The following RYR2 variants were observed in gnomAD, a reference collection of about 807,000 sequenced individuals.
RYR2 encodes ryanodine receptor 2, also known as cardiac muscle ryanodine receptor-calcium release channel.
Under a neutral mutation model 601.1 loss-of-function variants are expected in RYR2, and 227 were observed. The observed-to-expected ratio is 0.38, with a 90% confidence interval of 0.34 to 0.42. RYR2 has a LOEUF of 0.42. Among genes scored for constraint, RYR2 ranks in the 10% least tolerant of loss-of-function variants. RYR2 has a pLI of 1.00. For synonymous variants in RYR2, 2,223 were observed against 2,175.1 expected, an observed-to-expected ratio of 1.02 and a Z score of -0.61; for missense variants, 4,646 against 6,156.5, an observed-to-expected ratio of 0.75 and a Z score of 8.21.
chr1:237,611,040 T>A (rs1677804173), intron 36 of RYR2, 52 bp downstream of exon 36: 1 of 1,513,604 alleles, frequency 6.6e-7, no homozygotes, highest in Admixed American at 1.9e-5. Context: ...GGGATTAGCC[T>A]GCTGCCCGGG....
chr1:237,277,746 A>G (rs2149370845), intron 2 of RYR2, among the ~76,000 whole-genome samples: 1 of 152,174 alleles, frequency 6.6e-6, no homozygotes. Flanking sequence ...CTTGAGCCTA[A>G]CAGTTTGAGG....
At chr1:237,287,618 C>T (rs1691704622) in intron 2 of RYR2, among the ~76,000 whole-genome samples, 1 of 152,176 alleles carries the variant, frequency 6.6e-6, no homozygotes, top group African/African-American at 2.4e-5. Flanking sequence ...CTTTCCAGAG[C>T]ATTTCACATT....
At chr1:237,478,095 C>T (rs1263182027) in intron 17 of RYR2, among the ~76,000 whole-genome samples, 1 of 145,344 alleles carries the variant, frequency 6.9e-6, no homozygotes, top group African/African-American at 2.5e-5. Context: ...AGGGCCTGTT[C>T]CAAAGTTTCC....
chr1:237,221,348 A>T (rs988558453), intron 1 of RYR2, among the ~76,000 whole-genome samples: 1 of 152,216 alleles, frequency 6.6e-6, no homozygotes, highest in African/African-American at 2.4e-5. Context: ...TTTAAAGGTC[A>T]GCTGGATGCT....
At chr1:237,416,237 C>T (rs911422370) in intron 10 of RYR2, among the ~76,000 whole-genome samples, 1 of 152,136 alleles carries the variant, frequency 6.6e-6, no homozygotes, top group Non-Finnish European at 1.5e-5. Context: ...CATGGTATTA[C>T]TGCTGTCTGT....
At chr1:237,723,899 A>G (rs1233314126) in intron 74 of RYR2, among the ~76,000 whole-genome samples, 1 of 152,088 alleles carries the variant, frequency 6.6e-6, no homozygotes, top group African/African-American at 2.4e-5. Flanking sequence ...AAACAAGAAT[A>G]CTTGAAACAT....
rs77805032 is a variant in RYR2, at chr1:237,708,502, A to T, written c.9902-356A>T. ...CTGTATATAGTCTCATATAGTAATT[A>T]TGTAGCAGAGCTTGTCCCTATTCTA... On this transcript the variant is annotated intron_variant, in intron 68 of 104. Coordinates refer to ENST00000366574, the MANE Select transcript of RYR2 (RefSeq NM_001035.3). Among the ~76,000 whole-genome samples, 617 of 152,338 alleles carry T rather than the reference A, an allele frequency of 4.1e-3. 5 individuals are homozygous for T. Among genetic ancestry groups the T allele is most frequent in the African/African-American group, 0.015 (603 of 41,578 alleles).
At chr1:237,691,112 G>A (rs1227433670) in intron 63 of RYR2, among the ~76,000 whole-genome samples, 1 of 152,150 alleles carries the variant, frequency 6.6e-6, no homozygotes, top group Non-Finnish European at 1.5e-5. Context: ...AAATCTCTAA[G>A]TCTTAAGCAT....
At chr1:237,526,225 T>C (rs1339582521) in intron 24 of RYR2, among the ~76,000 whole-genome samples, 1 of 152,222 alleles carries the variant, frequency 6.6e-6, no homozygotes, top group African/African-American at 2.4e-5. Flanking sequence ...TGGTATCTCA[T>C]TGTGGTTTTA....
At chr1:237,567,587 C>T (rs1234204666) in intron 28 of RYR2, among the ~76,000 whole-genome samples, 1 of 151,806 alleles carries the variant, frequency 6.6e-6, no homozygotes, top group African/African-American at 2.4e-5. Flanking sequence ...GAGACCTTGT[C>T]TCAAAACAAA....
At chr1:237,720,096 T>G (rs936102305) in intron 73 of RYR2, among the ~76,000 whole-genome samples, 3 of 152,242 alleles carry the variant, frequency 2.0e-5, no homozygotes, top group African/African-American at 7.2e-5. Flanking sequence ...TTTACTATTA[T>G]TTGGAAATTT....
chr1:237,680,923 T>C (rs1202829388), intron 62 of RYR2, among the ~76,000 whole-genome samples: 1 of 152,240 alleles, frequency 6.6e-6, no homozygotes, highest in Non-Finnish European at 1.5e-5. Flanking sequence ...TCCACAAATC[T>C]GATATTTTTG....
At position 237,569,207 on chromosome 1, in the gene RYR2, G is replaced by A. The variant is rs749237298; in HGVS notation, c.3486G>A (p.Val1162=). 27 of 1,613,908 alleles carry A rather than the reference G, an allele frequency of 1.7e-5. No homozygotes were observed. The highest frequency in any genetic ancestry group is 2.3e-5 in the Non-Finnish European group (27 of 1,179,852). The change falls in exon 29 of 105, where the codon GTG becomes GTA. Residue 1162 remains valine (V), a synonymous_variant. Coordinates refer to ENST00000366574, the MANE Select transcript of RYR2 (RefSeq NM_001035.3). ...YGRSWQAGDV[V]GCMVDMNEHT... is the part of the protein sequence containing the mutation. The stretch of plus-strand genomic sequence containing the variant: ...GCTCTTGGCAAGCAGGCGATGTCGT[G>A]GGGTGTATGGTTGACATGAACGAAC...
At chr1:237,433,134 G>A (rs1299707943) in intron 12 of RYR2, among the ~76,000 whole-genome samples, 2 of 151,824 alleles carry the variant, frequency 1.3e-5, no homozygotes, top group African/African-American at 4.8e-5. Context: ...AAAATAGAAG[G>A]CATTTCTGAT....
At chr1:237,442,258 T>C (rs1036995804) in intron 13 of RYR2, among the ~76,000 whole-genome samples, 8 of 152,242 alleles carry the variant, frequency 5.3e-5, no homozygotes, top group African/African-American at 1.9e-4. Context: ...CTTTTGATAA[T>C]GACGTTTGGT....
intron 35 of RYR2, among the ~76,000 whole-genome samples, chr1:237,609,040 C>A (rs1380970088): frequency 6.7e-6 from 1 of 149,950 alleles, no homozygotes; most frequent in African/African-American, 2.4e-5. Flanking sequence ...CCCTCCCTTC[C>A]TTCCTTCCTT....
chr1:237,569,906 C>G (rs2148281481), intron 29 of RYR2, among the ~76,000 whole-genome samples: 1 of 152,246 alleles, frequency 6.6e-6, no homozygotes, highest in East Asian at 1.9e-4. Flanking sequence ...CCGAGATGGC[C>G]TTTGAGCAGA....
intron 24 of RYR2, among the ~76,000 whole-genome samples, chr1:237,527,951 G>T (rs1037021459): frequency 6.6e-6 from 1 of 152,136 alleles, no homozygotes; most frequent in Non-Finnish European, 1.5e-5. Flanking sequence ...GCGAATCATC[G>T]CTTTGTCCCC....
At chr1:237,508,594 G>A (rs78498326) in intron 23 of RYR2, among the ~76,000 whole-genome samples, 1,529 of 152,124 alleles carry the variant, frequency 0.01, 28 homozygotes, top group African/African-American at 0.033. Flanking sequence ...ATGTTTTGCA[G>A]TGGAACCTTA....
Sources: allele counts gnomAD v4.1 joint callset (sites outside exome capture counted in the v4.1 genomes callset), GRCh38; gene constraint gnomAD v4.1.1; transcripts MANE v1.5; gene names NCBI Gene and HGNC (gene_info 2026-07-23, HGNC 2026-07-21).